The following HS3ST4 variants were observed in gnomAD, a reference collection of about 807,000 sequenced individuals.
HS3ST4 encodes the protein heparan sulfate glucosamine 3-O-sulfotransferase 4.
Under a neutral mutation model 29.2 loss-of-function variants are expected in HS3ST4, and 17 were observed. The observed-to-expected ratio is 0.58, with a 90% CI of 0.40 to 0.87. The LOEUF is 0.87. Among genes scored for constraint, HS3ST4 ranks in the 40% least tolerant of loss-of-function variants. HS3ST4 has a pLI of 0.00. For missense variants in HS3ST4, 627 were observed against 634.5 expected, an observed-to-expected ratio of 0.99 and a Z score of 0.13; for synonymous variants, 314 against 285.7, an observed-to-expected ratio of 1.10 and a Z score of -1.00.
chr16:25,763,218 C>A (rs1263989300), intron 1 of HS3ST4, among the ~76,000 whole-genome samples: 4 of 152,094 alleles, frequency 2.6e-5, no homozygotes, highest in Non-Finnish European at 5.9e-5. Context: ...AGGAAAACTT[C>A]AGGTTTATAG....
At chr16:25,925,154 C>T (rs1968389911) in intron 1 of HS3ST4, among the ~76,000 whole-genome samples, 1 of 151,168 alleles carries the variant, frequency 6.6e-6, no homozygotes, top group African/African-American at 2.4e-5. Flanking sequence ...TGAGCTCCTA[C>T]TTCTACATGG....
intron 1 of HS3ST4, among the ~76,000 whole-genome samples, chr16:26,077,906 A>G (rs573694673): frequency 2.2e-4 from 34 of 152,306 alleles, no homozygotes; most frequent in African/African-American, 6.7e-4. Flanking sequence ...CCCTACCTCT[A>G]GAAATAATTA....
chr16:25,798,566 G>A (rs995104887), intron 1 of HS3ST4, among the ~76,000 whole-genome samples: 2 of 152,172 alleles, frequency 1.3e-5, no homozygotes, highest in Non-Finnish European at 1.5e-5. Flanking sequence ...GCTAAAGAAA[G>A]CCACATGGAC....
intron 1 of HS3ST4, among the ~76,000 whole-genome samples, chr16:25,891,676 A>C (rs1968009715): frequency 6.6e-6 from 1 of 152,194 alleles, no homozygotes; most frequent in Non-Finnish European, 1.5e-5. Context: ...CCAGCCCTCA[A>C]ATGAAAGGGA....
chr16:26,037,321 C>A (rs1025202728), intron 1 of HS3ST4, among the ~76,000 whole-genome samples: 1 of 152,228 alleles, frequency 6.6e-6, no homozygotes, highest in Non-Finnish European at 1.5e-5. Flanking sequence ...AGACTCCAGA[C>A]TTCTCTGCCC....
intron 1 of HS3ST4, among the ~76,000 whole-genome samples, chr16:25,971,945 GAA>G (rs938874389): frequency 6.6e-6 from 1 of 151,664 alleles, no homozygotes; most frequent in African/African-American, 2.4e-5. Context: ...AAGAAAGAAA[GAA>G]AAAAAAGAGT....
intron 1 of HS3ST4, among the ~76,000 whole-genome samples, chr16:25,741,029 A>G (rs1966648320): frequency 6.6e-6 from 1 of 151,974 alleles, no homozygotes. Context: ...TATACTACAT[A>G]AAGTGTGTGT....
At chr16:25,909,737 CTT>C (rs1968217160) in intron 1 of HS3ST4, among the ~76,000 whole-genome samples, 1 of 152,196 alleles carries the variant, frequency 6.6e-6, no homozygotes. Context: ...TCGTGAGTCT[CTT>C]TGAACAAGTG....
chr16:26,107,759 A>G (rs796504902), intron 1 of HS3ST4, among the ~76,000 whole-genome samples: 3 of 152,296 alleles, frequency 2.0e-5, no homozygotes, highest in African/African-American at 4.8e-5. Context: ...TACATGGTGT[A>G]TAGGTACCAC....
intron 1 of HS3ST4, among the ~76,000 whole-genome samples, chr16:26,074,675 T>A (rs974729694): frequency 1.3e-5 from 2 of 152,176 alleles, no homozygotes; most frequent in African/African-American, 4.8e-5. Context: ...TTTTTTTTTA[T>A]GTTTGGCATC....
intron 1 of HS3ST4, among the ~76,000 whole-genome samples, chr16:26,104,525 A>G (rs1899027335): frequency 6.6e-6 from 1 of 152,192 alleles, no homozygotes. Context: ...TAAGGTGCTC[A>G]CTGAGAGCCC....
intron 1 of HS3ST4, among the ~76,000 whole-genome samples, chr16:25,956,826 A>G (rs1968738146): frequency 6.6e-6 from 1 of 152,122 alleles, no homozygotes; most frequent in African/African-American, 2.4e-5. Flanking sequence ...ATGAAACCCC[A>G]TCTCTACTAA....
At chr16:26,031,801 C>T (rs984537881) in intron 1 of HS3ST4, among the ~76,000 whole-genome samples, 11 of 151,524 alleles carry the variant, frequency 7.3e-5, no homozygotes, top group African/African-American at 2.2e-4. Flanking sequence ...GGCAGACAAT[C>T]GTTAACAGTA....
At chr16:26,021,765 G>C (rs1277876925) in intron 1 of HS3ST4, among the ~76,000 whole-genome samples, 1 of 152,110 alleles carries the variant, frequency 6.6e-6, no homozygotes, top group Non-Finnish European at 1.5e-5. Context: ...CTGAGTTCAA[G>C]TGATTCTCCT....
At chr16:25,902,753 A>G (rs1169176167) in intron 1 of HS3ST4, among the ~76,000 whole-genome samples, 2 of 150,300 alleles carry the variant, frequency 1.3e-5, no homozygotes, top group Non-Finnish European at 3.0e-5. Flanking sequence ...TTCTAGGCAA[A>G]TGGGACTCCA....
chr16:25,873,472 A>ATTTATCTATCTATCTG (rs1567261492), intron 1 of HS3ST4, among the ~76,000 whole-genome samples: 2 of 69,136 alleles, frequency 2.9e-5, no homozygotes, highest in Non-Finnish European at 5.8e-5. Context: ...CCACCCATCC[A>ATTTATCTATCTATCTG]TCTATCTCTC....
chr16:25,822,760 CAG>C (rs1274460202), intron 1 of HS3ST4, among the ~76,000 whole-genome samples: 1 of 151,582 alleles, frequency 6.6e-6, no homozygotes, highest in Non-Finnish European at 1.5e-5. Context: ...TCTTTTGAGA[CAG>C]GGTCTTTCTC....
At chr16:25,821,797 TGCACAG>T (rs1967159390) in intron 1 of HS3ST4, among the ~76,000 whole-genome samples, 1 of 152,038 alleles carries the variant, frequency 6.6e-6, no homozygotes, top group Admixed American at 6.6e-5. Context: ...CATAGGGGCA[TGCACAG>T]GCACTGAGGC....
chr16:26,053,418 G>A (rs1898368775), intron 1 of HS3ST4, among the ~76,000 whole-genome samples: 1 of 152,152 alleles, frequency 6.6e-6, no homozygotes, highest in Admixed American at 6.6e-5. Context: ...GCAACTTCCA[G>A]AAGATTTAAG....
Sources: allele counts gnomAD v4.1 joint callset (sites outside exome capture counted in the v4.1 genomes callset), GRCh38; gene constraint gnomAD v4.1.1; transcripts MANE v1.5; gene names NCBI Gene and HGNC (gene_info 2026-07-23, HGNC 2026-07-21).